POC1A: variants seen among roughly 807,000 people sequenced by gnomAD.
POC1A encodes the protein POC1 centriolar protein homolog A.
A neutral mutation model predicts 47.8 loss-of-function variants in POC1A; 34 were observed. That is an observed-to-expected ratio of 0.71 (90% CI 0.54 to 0.95). POC1A has a LOEUF of 0.95. Among genes scored for constraint, POC1A ranks in the 40% least tolerant of loss-of-function variants. POC1A has a pLI of 0.00. For synonymous variants in POC1A, 177 were observed against 207.6 expected (o/e 0.85, Z 1.27); for missense variants, 466 against 528.3 (o/e 0.88, Z 1.16).
intron 9 of POC1A, among the ~76,000 whole-genome samples, chr3:52,097,490 C>T (rs568257965): frequency 6.6e-6 from 1 of 152,274 alleles, no homozygotes; most frequent in Admixed American, 6.5e-5. Context: ...TTCTGTGGAC[C>T]GAAGAAGTGC....
At chr3:52,103,995 AC>A (rs952814348) in intron 9 of POC1A, among the ~76,000 whole-genome samples, 1 of 152,202 alleles carries the variant, frequency 6.6e-6, no homozygotes, top group Non-Finnish European at 1.5e-5. Flanking sequence ...CTACGTATTT[AC>A]CCAAGAAAAT....
intron 10 of POC1A, among the ~76,000 whole-genome samples, chr3:52,083,544 TC>T (rs1360208115): frequency 6.6e-6 from 1 of 152,188 alleles, no homozygotes; most frequent in Non-Finnish European, 1.5e-5. Flanking sequence ...CCTCTTTTTC[TC>T]CCTGGCCTGG....
At chr3:52,140,375 A>T (rs1477176476) in intron 6 of POC1A, among the ~76,000 whole-genome samples, 1 of 152,188 alleles carries the variant, frequency 6.6e-6, no homozygotes, top group Non-Finnish European at 1.5e-5. Flanking sequence ...CCCACCAGAA[A>T]GTCTGCACTG....
intron 8 of POC1A, among the ~76,000 whole-genome samples, chr3:52,124,345 A>T (rs1703913815): frequency 6.6e-6 from 1 of 152,252 alleles, no homozygotes; most frequent in Non-Finnish European, 1.5e-5. Context: ...AGGCCCCAGA[A>T]GCAGGGTGCC....
At chr3:52,104,653 C>T (rs1029816637) in intron 9 of POC1A, among the ~76,000 whole-genome samples, 1 of 152,224 alleles carries the variant, frequency 6.6e-6, no homozygotes, top group African/African-American at 2.4e-5. Flanking sequence ...AGGCTGAAGA[C>T]CCCAGGTGAG....
chr3:52,146,983 C>T lies in POC1A; in HGVS notation c.563+5G>A. On this transcript the variant is annotated splice_donor_5th_base_variant and intron_variant, in intron 5 of 10. Transcript: ENST00000296484. ...ACAGGTGGAGGACAGCATCTGGGGACTCACCCGCCATGCTCACAATACGAG... is the reference window on the plus strand; with the variant it reads ...ACAGGTGGAGGACAGCATCTGGGGATTCACCCGCCATGCTCACAATACGAG... 6.2e-7 allele frequency: 1 copy of T among 1,610,986 alleles called. No individual in the cohort carries two copies. Among genetic ancestry groups the T allele is most frequent in the Non-Finnish European group, 8.5e-7 (1 of 1,177,152 alleles).
chr3:52,154,066 G>A (rs978787376), intron 1 of POC1A, among the ~76,000 whole-genome samples: 1 of 152,388 alleles, frequency 6.6e-6, no homozygotes, highest in Admixed American at 6.5e-5. Flanking sequence ...CCGGCCCCAG[G>A]TCACACATGA....
chr3:52,082,458 C>G (rs1702330147), intron 10 of POC1A, among the ~76,000 whole-genome samples: 1 of 152,150 alleles, frequency 6.6e-6, no homozygotes, highest in Non-Finnish European at 1.5e-5. Context: ...GATCTAGGAG[C>G]TCGGACCAGG....
intron 10 of POC1A, among the ~76,000 whole-genome samples, chr3:52,092,514 G>A (rs1458401974): frequency 6.6e-6 from 1 of 152,152 alleles, no homozygotes. Flanking sequence ...CACCTGGCAT[G>A]ATGTTGCTGC....
In POC1A at chr3:52,094,405, G is replaced by C. The variant is rs1038517609; in HGVS notation, c.1125+2164C>G. On this transcript the variant is annotated intron_variant, in intron 10 of 10. Transcript: ENST00000296484. Reference sequence around the variant, plus strand: ...CGGGGCCTGCTGTGGGCCTGCCTCTGCTGGGCCAATGCCAAGAGAAAGGCA... The same window carrying C: ...CGGGGCCTGCTGTGGGCCTGCCTCTCCTGGGCCAATGCCAAGAGAAAGGCA... Among the ~76,000 whole-genome samples, 6 of 152,348 alleles carry C rather than the reference G, an allele frequency of 3.9e-5. No individual in the cohort carries two copies. In the East Asian group the frequency reaches 1.2e-3, roughly 29 times the overall value.
intron 1 of POC1A, among the ~76,000 whole-genome samples, chr3:52,152,618 A>G (rs887106605): frequency 1.3e-5 from 2 of 152,020 alleles, no homozygotes; most frequent in African/African-American, 2.4e-5. Flanking sequence ...TAAAAAATAA[A>G]GTAGTTAAAC....
chr3:52,096,468 T>C (rs1702817554), intron 10 of POC1A, 101 bp downstream of exon 10: 2 of 1,023,022 alleles, frequency 2.0e-6, no homozygotes, highest in Non-Finnish European at 1.4e-6. Context: ...GTTATAATTA[T>C]GTTTTTAAAA....
chr3:52,085,621 G>C (rs1042814150), intron 10 of POC1A, among the ~76,000 whole-genome samples: 1 of 152,156 alleles, frequency 6.6e-6, no homozygotes, highest in Non-Finnish European at 1.5e-5. Context: ...ATGGGTGTGG[G>C]CCCTTGGAAA....
intron 9 of POC1A, among the ~76,000 whole-genome samples, chr3:52,108,638 A>G (rs74864831): frequency 0.093 from 14,090 of 152,168 alleles, 1,312 homozygotes; most frequent in East Asian, 0.36. Flanking sequence ...GCCAAGATAG[A>G]TAACCAGGAC....
intron 9 of POC1A, among the ~76,000 whole-genome samples, chr3:52,109,034 C>G (rs1336128827): frequency 6.6e-6 from 1 of 152,168 alleles, no homozygotes; most frequent in African/African-American, 2.4e-5. Flanking sequence ...CCCAGACGCG[C>G]CCCCTTCCCC....
intron 7 of POC1A, among the ~76,000 whole-genome samples, chr3:52,137,748 C>T (rs935632742): frequency 6.6e-6 from 1 of 152,180 alleles, no homozygotes; most frequent in Admixed American, 6.5e-5. Context: ...CTTCTTTGTC[C>T]CAGCCTCTGC....
intron 10 of POC1A, among the ~76,000 whole-genome samples, chr3:52,078,006 C>A (rs1426203583): frequency 6.6e-6 from 1 of 152,162 alleles, no homozygotes; most frequent in East Asian, 1.9e-4. Flanking sequence ...TCACAACCAG[C>A]CCCCTGCATG....
chr3:52,111,088 C>A (rs1254366139), intron 9 of POC1A, among the ~76,000 whole-genome samples: 1 of 152,152 alleles, frequency 6.6e-6, no homozygotes, highest in Non-Finnish European at 1.5e-5. Flanking sequence ...ATATGCTTTT[C>A]CCTGGATGTC....
intron 6 of POC1A, among the ~76,000 whole-genome samples, chr3:52,138,919 C>T (rs962829870): frequency 6.6e-6 from 1 of 152,132 alleles, no homozygotes; most frequent in African/African-American, 2.4e-5. Context: ...CTGCAGCCTC[C>T]GTCTCCTGGG....
Sources: allele counts gnomAD v4.1 joint callset (sites outside exome capture counted in the v4.1 genomes callset), GRCh38; gene constraint gnomAD v4.1.1; transcripts MANE v1.5; gene names NCBI Gene and HGNC (gene_info 2026-07-23, HGNC 2026-07-21).